The following COL27A1 variants were observed in gnomAD, a reference collection of about 807,000 sequenced individuals.
COL27A1 encodes the protein collagen alpha-1(XXVII) chain.
In COL27A1, 106 loss-of-function variants were observed where a neutral mutation model predicts 251.3. The observed-to-expected ratio is 0.42, with a 90% confidence interval of 0.36 to 0.50. The LOEUF (loss-of-function observed/expected upper bound fraction) is 0.50. Among genes scored for constraint, COL27A1 ranks in the 20% least tolerant of loss-of-function variants. The pLI, the probability that COL27A1 is intolerant of heterozygous loss-of-function variation, is 0.00. For missense variants in COL27A1, 2,325 were observed against 2,522.8 expected (o/e 0.92, Z 1.68); for synonymous variants, 1,000 against 986.3 (o/e 1.01, Z -0.26).
At chr9:114,158,726 C>A (rs1179564774) in intron 1 of COL27A1, among the ~76,000 whole-genome samples, 1 of 152,216 alleles carries the variant, frequency 6.6e-6, no homozygotes, top group Non-Finnish European at 1.5e-5. Flanking sequence ...CCTCTGAGAG[C>A]CAACTTTCCA....
At position 114,275,205 on chromosome 9, in the gene COL27A1, G is replaced by A. The variant is rs542004095; in HGVS notation, c.3610-456G>A. On this transcript the variant is annotated intron_variant, in intron 36 of 60. Coordinates refer to ENST00000356083, the MANE Select transcript of COL27A1 (RefSeq NM_032888.4). ...CTTGAGCCCAGGAGGTCGAGGCTGCGGTGACCTATAATTGCGCCTCTGCAC... is the reference window on the plus strand; with the variant it reads ...CTTGAGCCCAGGAGGTCGAGGCTGCAGTGACCTATAATTGCGCCTCTGCAC... 2.2e-4 allele frequency among the ~76,000 whole-genome samples: 34 copies of A among 152,010 alleles called. No individual in the cohort carries two copies. In the South Asian group the frequency reaches 4.0e-3, roughly 18 times the overall value.
chr9:114,214,256 C>T (rs1190576874), intron 12 of COL27A1, among the ~76,000 whole-genome samples: 1 of 152,128 alleles, frequency 6.6e-6, no homozygotes, highest in African/African-American at 2.4e-5. Flanking sequence ...GGTTTTTCCT[C>T]CTTATCCAAG....
At chr9:114,277,567 G>C (rs1835586864) in intron 37 of COL27A1, among the ~76,000 whole-genome samples, 1 of 152,192 alleles carries the variant, frequency 6.6e-6, no homozygotes, top group Non-Finnish European at 1.5e-5. Flanking sequence ...AAATAGCACT[G>C]AAGTGCCAAT....
intron 16 of COL27A1, among the ~76,000 whole-genome samples, chr9:114,234,706 T>C (rs916850047): frequency 1.2e-4 from 18 of 152,116 alleles, no homozygotes; most frequent in African/African-American, 4.1e-4. Flanking sequence ...TCAAGACCAA[T>C]TTACTTGCTG....
rs1200231650 is a variant in COL27A1 at position 114,167,814 on chromosome 9, G to T, written c.259G>T (p.Gly87Cys). The T allele has an allele frequency of 6.2e-7, 1 of 1,613,468 alleles. No individual in the cohort carries two copies. Residue 87 changes from glycine (G) to cysteine (C), a missense_variant, in exon 3 of 61, where the codon GGC becomes TGC. Gly to Cys is a radical substitution (Grantham distance 159). This residue lies in a region of COL27A1 where 1,183 missense variants were observed against 1,144.1 expected (regional missense o/e 1.03). Transcript: ENST00000356083. ...GCGGGCCCGGCTCCAGGCTCCCACG[G>T]GCACCGTCATTCCTGCCGCCTTGGG... is the stretch of plus-strand genomic sequence containing the variant. The part of the protein sequence containing the change: ...TQRARLQAPT[G>C]TVIPAALGTE...
chr9:114,158,802 G>T (rs1848299634), intron 1 of COL27A1, among the ~76,000 whole-genome samples: 1 of 152,204 alleles, frequency 6.6e-6, no homozygotes, highest in South Asian at 2.1e-4. Flanking sequence ...GCTGGTGAAG[G>T]CTGGGGCTCG....
chr9:114,305,401 A>G (rs894222356), intron 57 of COL27A1, among the ~76,000 whole-genome samples: 2 of 152,180 alleles, frequency 1.3e-5, no homozygotes, highest in Admixed American at 6.5e-5. Context: ...CGGCTGGAGA[A>G]GGGAAGCGTT....
chr9:114,277,389 C>A (rs552949555), intron 37 of COL27A1, among the ~76,000 whole-genome samples: 1 of 152,142 alleles, frequency 6.6e-6, no homozygotes, highest in Non-Finnish European at 1.5e-5. Context: ...CACTCTTCAT[C>A]CCTCAAGCGG....
At chr9:114,214,163 A>G (rs1830556865) in intron 12 of COL27A1, among the ~76,000 whole-genome samples, 1 of 152,058 alleles carries the variant, frequency 6.6e-6, no homozygotes, top group Non-Finnish European at 1.5e-5. Context: ...AAGACCCTGG[A>G]CAGTCTTTAG....
chr9:114,295,446 T>C (rs929776127), intron 49 of COL27A1, among the ~76,000 whole-genome samples: 1 of 152,194 alleles, frequency 6.6e-6, no homozygotes, highest in Middle Eastern at 3.2e-3. Flanking sequence ...GGTCCTAATA[T>C]ACATATGAAA....
intron 2 of COL27A1, among the ~76,000 whole-genome samples, chr9:114,165,950 TATCCATCC>T (rs369072305): frequency 4.9e-5 from 7 of 142,470 alleles, no homozygotes; most frequent in African/African-American, 1.3e-4. Context: ...TCCATCCATC[TATCCATCC>T]ATCCATCCAT....
intron 57 of COL27A1, among the ~76,000 whole-genome samples, chr9:114,305,010 T>A (rs2636872): frequency 0.21 from 32,496 of 152,140 alleles, 4,868 homozygotes; most frequent in East Asian, 0.53. Flanking sequence ...AGCTTCCCAG[T>A]GCTCATCCCC....
chr9:114,269,647 G>A (rs1214073008), intron 35 of COL27A1, among the ~76,000 whole-genome samples: 1 of 127,440 alleles, frequency 7.8e-6, no homozygotes, highest in Non-Finnish European at 1.6e-5. Flanking sequence ...GAAGAAGAAG[G>A]ATGTTGAGGT....
At chr9:114,309,535 G>T in intron 60 of COL27A1, 57 bp downstream of exon 60, 1 of 1,355,422 alleles carries the variant, frequency 7.4e-7, no homozygotes. Flanking sequence ...AAAAACACTT[G>T]TTTGGAAAAA....
chr9:114,172,468 G>T (rs1248730854), intron 3 of COL27A1, among the ~76,000 whole-genome samples: 1 of 152,150 alleles, frequency 6.6e-6, no homozygotes, highest in Non-Finnish European at 1.5e-5. Context: ...ACCTCTGGTG[G>T]GGAGGGTGGC....
chr9:114,275,653 C>G lies in COL27A1; in HGVS notation c.3610-8C>G. 6.5e-7 allele frequency: 1 copy of G among 1,529,048 alleles called. No homozygotes were observed. Among genetic ancestry groups the G allele is most frequent in the African/African-American group, 1.4e-5 (1 of 72,730 alleles). The allele number at this position is 1,529,048 out of a possible 1,614,324, so 94.7% of individuals were successfully genotyped here. A position where few individuals can be genotyped will look rare whatever the true frequency, so the allele number is the denominator to read the frequency against. On this transcript the variant is annotated splice_region_variant and splice_polypyrimidine_tract_variant and intron_variant, in intron 36 of 60. Coordinates refer to ENST00000356083, the MANE Select transcript of COL27A1 (RefSeq NM_032888.4). ...CTCTCTCTCCCCTCTTCATGCCCTG[C>G]CACCCAGGGGGACAGGGGAGACCCA...
intron 21 of COL27A1, among the ~76,000 whole-genome samples, chr9:114,240,911 C>G (rs1832712361): frequency 6.6e-6 from 1 of 152,228 alleles, no homozygotes; most frequent in Non-Finnish European, 1.5e-5. Flanking sequence ...GCAGGCAGGG[C>G]TGCAATGGGA....
chr9:114,198,045 G>A (rs569582801), intron 7 of COL27A1, among the ~76,000 whole-genome samples: 284 of 152,378 alleles, frequency 1.9e-3, no homozygotes, highest in Non-Finnish European at 3.4e-3. Flanking sequence ...TGATCTTGCA[G>A]TGTGGCTTTT....
At chr9:114,289,934 G>A in intron 45 of COL27A1, 124 bp from the exon 46 acceptor site, 1 of 1,107,150 alleles carries the variant, frequency 9.0e-7, no homozygotes, top group Non-Finnish European at 1.4e-6. Context: ...AGAGTGCTTG[G>A]GTACATCTGT....
Sources: gnomAD v4.1 joint callset for allele counts (sites outside exome capture counted in the v4.1 genomes callset) on GRCh38, gnomAD v4.1.1 for gene constraint, gnomAD v4.1.1 regional missense constraint, MANE v1.5 for transcripts, NCBI Gene and HGNC (gene_info 2026-07-23, HGNC 2026-07-21) for gene names.